The following NFIA variants were observed in gnomAD, a reference collection of about 807,000 sequenced individuals.
The protein encoded by NFIA is nuclear factor 1 A-type.
NFIA carries 8 observed loss-of-function variants against 62.8 expected under a neutral mutation model. The observed-to-expected ratio is 0.13, with a 90% CI of 0.07 to 0.23. NFIA has a LOEUF of 0.23. NFIA is among the 10% of genes least tolerant of loss of function. The pLI is 1.00. For missense variants in NFIA, 410 were observed against 642.1 expected (o/e 0.64, Z 3.91); for synonymous variants, 235 against 238.1 (o/e 0.99, Z 0.12).
chr1:61,134,398 C>A (rs1003643574), intron 2 of NFIA, among the ~76,000 whole-genome samples: 2 of 152,006 alleles, frequency 1.3e-5, no homozygotes, highest in Admixed American at 1.3e-4. Context: ...CTCTGTATTC[C>A]ATTACCTCCA....
In NFIA at chr1:61,082,723, C is replaced by T; in HGVS notation, c.-69C>T. 1 of 1,550,050 alleles carries T rather than the reference C, an allele frequency of 6.5e-7. No homozygotes were observed. The highest frequency in any genetic ancestry group is 8.7e-7 in the Non-Finnish European group (1 of 1,146,114). On this transcript the variant is annotated 5_prime_UTR_variant, in exon 1 of 11. Transcript: ENST00000403491. ...TCCTCTCTCCCTCTTTCTCCTCTCT[C>T]ACCCACACTCACGCACACCTCCAAA...
intron 3 of NFIA, among the ~76,000 whole-genome samples, chr1:61,320,807 C>T (rs1205281486): frequency 6.6e-6 from 1 of 152,120 alleles, no homozygotes; most frequent in East Asian, 1.9e-4. Context: ...TGCTGTTTAA[C>T]GTCCATGAAC....
intron 2 of NFIA, among the ~76,000 whole-genome samples, chr1:61,206,527 A>T (rs2100597546): frequency 1.3e-5 from 2 of 152,262 alleles, no homozygotes; most frequent in Non-Finnish European, 2.9e-5. Context: ...TCTCTTTTGG[A>T]TGTGAGCATG....
intron 4 of NFIA, among the ~76,000 whole-genome samples, chr1:61,333,800 C>G (rs1274369576): frequency 1.3e-5 from 2 of 152,094 alleles, no homozygotes; most frequent in Non-Finnish European, 2.9e-5. Context: ...GAGTTTGAGA[C>G]CAGCCTGGCC....
At chr1:61,154,410 C>A (rs1648644841) in intron 2 of NFIA, among the ~76,000 whole-genome samples, 1 of 152,148 alleles carries the variant, frequency 6.6e-6, no homozygotes, top group African/African-American at 2.4e-5. Flanking sequence ...CCCGCCTTGG[C>A]CTCCCAAAGT....
At chr1:61,166,877 C>T (rs889461618) in intron 2 of NFIA, among the ~76,000 whole-genome samples, 3 of 152,236 alleles carry the variant, frequency 2.0e-5, no homozygotes, top group African/African-American at 7.2e-5. Context: ...CGCAGTGGCT[C>T]ACGCCTGTAA....
At chr1:61,095,937 C>T (rs952934685) in intron 2 of NFIA, among the ~76,000 whole-genome samples, 3 of 151,840 alleles carry the variant, frequency 2.0e-5, no homozygotes, top group Non-Finnish European at 2.9e-5. Flanking sequence ...CTATACATTA[C>T]ATATATTTTT....
chr1:61,271,187 A>G (rs1570487217), intron 2 of NFIA, among the ~76,000 whole-genome samples: 1 of 152,212 alleles, frequency 6.6e-6, no homozygotes, highest in African/African-American at 2.4e-5. Context: ...TAACACAACA[A>G]TAGTTATGCC....
intron 6 of NFIA, among the ~76,000 whole-genome samples, chr1:61,376,261 A>G (rs1664145280): frequency 6.6e-6 from 1 of 152,178 alleles, no homozygotes; most frequent in East Asian, 1.9e-4. Flanking sequence ...ATTGTAATAT[A>G]TAGTCTAGGC....
At chr1:61,183,292 G>A (rs1474064455) in intron 2 of NFIA, among the ~76,000 whole-genome samples, 2 of 152,206 alleles carry the variant, frequency 1.3e-5, no homozygotes, top group Non-Finnish European at 2.9e-5. Context: ...TAGGAGGCGT[G>A]CACGTCAGAA....
At chr1:61,298,878 G>A (rs147360943) in intron 3 of NFIA, among the ~76,000 whole-genome samples, 59 of 152,242 alleles carry the variant, frequency 3.9e-4, no homozygotes, top group African/African-American at 1.3e-3. Context: ...TGGGAGAAAC[G>A]TCCCGGTGTT....
At chr1:61,336,857 G>A (rs1198132379) in intron 4 of NFIA, among the ~76,000 whole-genome samples, 1 of 152,026 alleles carries the variant, frequency 6.6e-6, no homozygotes, top group Non-Finnish European at 1.5e-5. Flanking sequence ...CTACTTACAT[G>A]GGCTGAAAAT....
chr1:61,454,425 C>T (rs1019008727), intron 10 of NFIA, among the ~76,000 whole-genome samples: 4 of 152,076 alleles, frequency 2.6e-5, no homozygotes, highest in African/African-American at 7.2e-5. Flanking sequence ...TAAGGATTTA[C>T]GAAAGGAAAA....
intron 3 of NFIA, among the ~76,000 whole-genome samples, chr1:61,324,547 T>A (rs1319612881): frequency 6.6e-6 from 1 of 152,196 alleles, no homozygotes; most frequent in Non-Finnish European, 1.5e-5. Flanking sequence ...ACTTTCCTTC[T>A]CAGATGCAAA....
At chr1:61,195,556 AT>A (rs1651933212) in intron 2 of NFIA, among the ~76,000 whole-genome samples, 1 of 152,158 alleles carries the variant, frequency 6.6e-6, no homozygotes, top group South Asian at 2.1e-4. Flanking sequence ...GAGTTAAGAC[AT>A]TTTAAAATGT....
chr1:61,321,776 T>C (rs907208620), intron 3 of NFIA, among the ~76,000 whole-genome samples: 11 of 152,182 alleles, frequency 7.2e-5, no homozygotes, highest in Non-Finnish European at 1.5e-4. Context: ...TTTGCAAAGA[T>C]ACAAATAGGT....
chr1:61,315,506 G>T (rs556482735), intron 3 of NFIA, among the ~76,000 whole-genome samples: 2 of 152,270 alleles, frequency 1.3e-5, no homozygotes, highest in African/African-American at 4.8e-5. Flanking sequence ...AGTATTCTTT[G>T]GTAATCGCAA....
intron 7 of NFIA, among the ~76,000 whole-genome samples, chr1:61,395,431 A>C (rs1665219954): frequency 6.6e-6 from 1 of 152,042 alleles, no homozygotes; most frequent in Non-Finnish European, 1.5e-5. Flanking sequence ...TTTCACTTCC[A>C]ACAGGTCATT....
At chr1:61,301,640 T>C (rs1240448658) in intron 3 of NFIA, among the ~76,000 whole-genome samples, 1 of 152,216 alleles carries the variant, frequency 6.6e-6, no homozygotes, top group Non-Finnish European at 1.5e-5. Flanking sequence ...CTCATTATCT[T>C]CCCTTGATAG....
Sources: gnomAD v4.1 joint callset for allele counts (sites outside exome capture counted in the v4.1 genomes callset) on GRCh38, gnomAD v4.1.1 for gene constraint, MANE v1.5 for transcripts, NCBI Gene and HGNC (gene_info 2026-07-23, HGNC 2026-07-21) for gene names.